The following PAMR1 variants were observed in gnomAD, a reference collection of about 807,000 sequenced individuals.
PAMR1 encodes the protein inactive serine protease PAMR1.
PAMR1 carries 88 observed loss-of-function variants against 81.8 expected under a neutral mutation model. That is an observed-to-expected ratio of 1.08 (90% CI 0.91 to 1.28). The LOEUF (loss-of-function observed/expected upper bound fraction) is 1.28, where lower values mean the gene tolerates loss of function less well. Among genes scored for constraint, PAMR1 ranks in the 50% most tolerant of loss-of-function variants. The pLI, the probability that PAMR1 is intolerant of heterozygous loss-of-function variation, is 0.00. For missense variants in PAMR1, 935 were observed against 919.7 expected, an observed-to-expected ratio of 1.02 and a Z score of -0.21; for synonymous variants, 336 against 345.3, an observed-to-expected ratio of 0.97 and a Z score of 0.30.
At chr11:35,445,195 C>T (rs372634275) in intron 6 of PAMR1, among the ~76,000 whole-genome samples, 1 of 152,152 alleles carries the variant, frequency 6.6e-6, no homozygotes, top group African/African-American at 2.4e-5. Flanking sequence ...GATTTTGTGT[C>T]CTGAGACTTT....
At chr11:35,455,239 G>A (rs1005399034) in intron 6 of PAMR1, among the ~76,000 whole-genome samples, 2 of 152,244 alleles carry the variant, frequency 1.3e-5, no homozygotes, top group Admixed American at 1.3e-4. Context: ...TCAGGAAAAT[G>A]TGGAGTTATT....
intron 6 of PAMR1, among the ~76,000 whole-genome samples, chr11:35,459,673 T>G (rs1051551183): frequency 8.5e-5 from 13 of 152,214 alleles, no homozygotes; most frequent in Admixed American, 3.3e-4. Context: ...ACCCAGTTCC[T>G]GGCATACTGG....
chr11:35,525,419 G>A, intron 1 of PAMR1, 94 bp downstream of exon 1: 1 of 1,012,002 alleles, frequency 9.9e-7, no homozygotes, highest in Non-Finnish European at 1.5e-6. Context: ...CCCACCTCCT[G>A]AGACTCCCAG....
chr11:35,441,504 C>T lies in PAMR1; in HGVS notation c.1010G>A (p.Gly337Glu), dbSNP rs756521194. Residue 337 changes from glycine to glutamate, a missense_variant, in exon 7 of 11, where the codon GGG (glycine) becomes GAG (glutamate). Physicochemically the swap from Gly to Glu is moderately conservative, Grantham distance 98 (BLOSUM62 -2). Coordinates refer to ENST00000619888, the MANE Select transcript of PAMR1 (RefSeq NM_001001991.3). ...ACCTTTTATGCAGATGGGCTGTTTCCCTGACCACTCTCCATTCTGCTGGCA... is the reference window on the plus strand; with the variant it reads ...ACCTTTTATGCAGATGGGCTGTTTCTCTGACCACTCTCCATTCTGCTGGCA... ...RTCQQNGEWSGKQPICIKACR... is the reference protein window; with the variant it reads ...RTCQQNGEWSEKQPICIKACR... 2.5e-5 allele frequency: 41 copies of T among 1,612,580 alleles called. No individual in the cohort carries two copies. The Admixed American group carries it at 5.8e-4, about 23-fold the overall frequency.
In PAMR1 at chr11:35,434,786, T is replaced by G; in HGVS notation, c.1352A>C (p.Asn451Thr). The change falls in exon 10 of 11, where the codon AAC becomes ACC. Residue 451 changes from asparagine (N) to threonine (T), a missense_variant. Coordinates refer to ENST00000619888, the MANE Select transcript of PAMR1 (RefSeq NM_001001991.3). ...CCCTTGGGTCTTTGGAGCAGTGATG[T>G]TCTCAATTTTCCCGCAGACTATGGA... is the stretch of plus-strand genomic sequence containing the variant. ...SCIPICGKIENITAPKTQGLR... is the reference protein window; with the variant it reads ...SCIPICGKIETITAPKTQGLR... The G allele has an allele frequency of 6.2e-7, 1 of 1,612,990 alleles. No individual in the cohort carries two copies. The highest frequency in any genetic ancestry group is 8.5e-7 in the Non-Finnish European group (1 of 1,179,074).
At chr11:35,499,252 C>G (rs2676461) in intron 1 of PAMR1, among the ~76,000 whole-genome samples, 115,929 of 151,568 alleles carry the variant, frequency 0.76, 44,736 homozygotes, top group Middle Eastern at 0.8. Context: ...CATGGGGGTC[C>G]AGGTGGCCTG....
chr11:35,455,202 T>C (rs115705537), intron 6 of PAMR1, among the ~76,000 whole-genome samples: 2 of 152,254 alleles, frequency 1.3e-5, no homozygotes, highest in African/African-American at 4.8e-5. Flanking sequence ...GTGGACATGA[T>C]GATAGTGATA....
chr11:35,440,739 T>C (rs1234358745), intron 7 of PAMR1, among the ~76,000 whole-genome samples: 2 of 152,222 alleles, frequency 1.3e-5, no homozygotes, highest in Admixed American at 1.3e-4. Context: ...CCTACATATT[T>C]AAGTTTACCC....
intron 3 of PAMR1, among the ~76,000 whole-genome samples, chr11:35,484,816 C>T (rs886259763): frequency 5.3e-5 from 8 of 152,148 alleles, no homozygotes; most frequent in Admixed American, 5.2e-4. Context: ...CATTCTGGGT[C>T]GCTCTTGGGC....
chr11:35,510,501 C>T (rs996388013), intron 1 of PAMR1, among the ~76,000 whole-genome samples: 3 of 146,880 alleles, frequency 2.0e-5, no homozygotes, highest in African/African-American at 7.6e-5. Context: ...TTTTTATCCC[C>T]CCAAAAAAAG....
intron 6 of PAMR1, among the ~76,000 whole-genome samples, chr11:35,461,242 C>CAAGCAAAGCGT (rs1305099124): frequency 1.3e-5 from 2 of 152,222 alleles, no homozygotes; most frequent in East Asian, 1.9e-4. Context: ...CAGACAGGTG[C>CAAGCAAAGCGT]AAGCAAAGCG....
intron 7 of PAMR1, 103 bp from the exon 8 acceptor site, chr11:35,439,796 C>T: frequency 1.1e-6 from 1 of 928,412 alleles, no homozygotes; most frequent in South Asian, 1.4e-5. Context: ...ACACCAGGTG[C>T]CCATTCCCCA....
intron 4 of PAMR1, 75 bp downstream of exon 4, chr11:35,474,555 G>A (rs1590351923): frequency 4.9e-6 from 4 of 811,734 alleles, no homozygotes; most frequent in Non-Finnish European, 6.0e-6. Context: ...GAGGATCCCA[G>A]TGACCAAGAG....
Position 35,432,273 on chromosome 11 carries a change from C to T in PAMR1, c.*83G>A. On this transcript the variant is annotated 3_prime_UTR_variant, in exon 11 of 11. Transcript: ENST00000619888. ...AGCCAAGTTCACAGGCCAAATCACA[C>T]TTCAGGCCCACACTGCTTCACGCAA... The T allele has an allele frequency of 7.4e-7, 1 of 1,349,544 alleles. No homozygotes were observed. Among genetic ancestry groups the T allele is most frequent in the South Asian group, 1.3e-5 (1 of 75,430 alleles). The allele number at this position is 1,349,544 out of a possible 1,614,324, so 83.6% of individuals were successfully genotyped here.
At chr11:35,525,014 G>C (rs548902592) in intron 1 of PAMR1, among the ~76,000 whole-genome samples, 2 of 152,070 alleles carry the variant, frequency 1.3e-5, no homozygotes, top group African/African-American at 4.8e-5. Flanking sequence ...TACTCCGAAG[G>C]GGTATGGCTG....
chr11:35,487,967 T>C (rs1850541806), intron 3 of PAMR1, among the ~76,000 whole-genome samples: 1 of 152,176 alleles, frequency 6.6e-6, no homozygotes, highest in Non-Finnish European at 1.5e-5. Flanking sequence ...ACAAACAAGA[T>C]ATGCTACCTA....
At position 35,501,574 on chromosome 11, in the gene PAMR1, T is replaced by A. The variant is rs969015189; in HGVS notation, c.74-7302A>T. 2.0e-4 allele frequency among the ~76,000 whole-genome samples: 30 copies of A among 152,176 alleles called. No homozygotes were observed. The East Asian group carries it at 3.7e-3, about 19-fold the overall frequency. The stretch of plus-strand genomic sequence containing the variant: ...TTTTAATTTAATTATTATTATTTTT[T>A]TTTTACTTTTTAAACTTATTTCTTG... On this transcript the variant is annotated intron_variant, in intron 1 of 10. Coordinates refer to ENST00000619888, the MANE Select transcript of PAMR1 (RefSeq NM_001001991.3).
chr11:35,474,890 A>C, intron 3 of PAMR1, 146 bp from the exon 4 acceptor site: 7 of 600,668 alleles, frequency 1.2e-5, no homozygotes, highest in East Asian at 3.2e-5. Flanking sequence ...AATGTTTCTC[A>C]AGCAGCTGGC....
intron 6 of PAMR1, among the ~76,000 whole-genome samples, chr11:35,446,784 T>G (rs1034941874): frequency 6.6e-6 from 1 of 152,242 alleles, no homozygotes; most frequent in Non-Finnish European, 1.5e-5. Flanking sequence ...GTAAGTGCTA[T>G]GTGGCACCAA....
Sources: allele counts gnomAD v4.1 joint callset (sites outside exome capture counted in the v4.1 genomes callset), GRCh38; gene constraint gnomAD v4.1.1; transcripts MANE v1.5; gene names NCBI Gene and HGNC (gene_info 2026-07-23, HGNC 2026-07-21).